The following USH2A variants were observed in gnomAD, a reference collection of about 807,000 sequenced individuals.
USH2A encodes the protein Usher syndrome 2A (autosomal recessive, mild).
A neutral mutation model predicts 538.9 loss-of-function variants in USH2A; 443 were observed. That is an observed-to-expected ratio of 0.82 (90% CI 0.76 to 0.89). USH2A has a LOEUF of 0.89. Among genes scored for constraint, USH2A ranks in the 40% least tolerant of loss-of-function variants. The probability of loss-of-function intolerance (pLI) is 0.00; values close to 1 mark genes in which losing one functional copy is unlikely to be tolerated. For missense variants in USH2A, 6,633 were observed against 6,324.8 expected (o/e 1.05, Z -1.65); for synonymous variants, 2,413 against 2,273.5 (o/e 1.06, Z -1.75).
intron 21 of USH2A, among the ~76,000 whole-genome samples, chr1:216,150,721 A>T (rs2033814024): frequency 6.6e-6 from 1 of 151,988 alleles, no homozygotes; most frequent in Non-Finnish European, 1.5e-5. Flanking sequence ...TTCTCCTTAT[A>T]TTAACTCTAC....
chr1:216,318,107 CTT>C (rs149463659), intron 9 of USH2A, among the ~76,000 whole-genome samples: 14 of 152,294 alleles, frequency 9.2e-5, no homozygotes, highest in Non-Finnish European at 2.1e-4. Context: ...ACTAAAAACA[CTT>C]TCTCATAGGA....
chr1:215,875,901 AAT>A (rs201247845), intron 43 of USH2A, among the ~76,000 whole-genome samples: 19,379 of 145,230 alleles, frequency 0.13, 1,373 homozygotes, highest in South Asian at 0.23. Context: ...TATAATAATC[AAT>A]ATATAAATAT....
intron 11 of USH2A, among the ~76,000 whole-genome samples, chr1:216,268,463 T>A (rs2036516369): frequency 6.6e-6 from 1 of 152,110 alleles, no homozygotes. Context: ...TCGGTAAAGA[T>A]GAAGTGGAAG....
chr1:216,032,671 A>T (rs1558222190), intron 32 of USH2A, among the ~76,000 whole-genome samples: 1 of 152,260 alleles, frequency 6.6e-6, no homozygotes, highest in East Asian at 1.9e-4. Context: ...CTCCAGCTGG[A>T]GGCAAAAGTC....
chr1:215,693,562 C>G (rs532072704), intron 61 of USH2A, among the ~76,000 whole-genome samples: 2 of 152,048 alleles, frequency 1.3e-5, no homozygotes, highest in African/African-American at 4.8e-5. Flanking sequence ...TTTCAAGACC[C>G]CTGTTTCTTA....
In USH2A at chr1:215,845,906, T is replaced by A; in HGVS notation, c.8973A>T (p.Thr2991=). 16 of 1,613,948 alleles carry A rather than the reference T, an allele frequency of 9.9e-6. No individual in the cohort carries two copies. The highest frequency in any genetic ancestry group is 1.3e-5 in the Non-Finnish European group (15 of 1,179,948). Residue 2991 remains threonine, a synonymous_variant, in exon 45 of 72, where the codon ACA becomes ACT. Coordinates refer to ENST00000307340, the MANE Select transcript of USH2A (RefSeq NM_206933.4). Reference sequence around the variant, plus strand: ...AGACAGAGATAAAGATCCAATACTCTGTGTTTGGCTTTAGGTGGCCAATGA... The same window carrying A: ...AGACAGAGATAAAGATCCAATACTCAGTGTTTGGCTTTAGGTGGCCAATGA... ...SHVIGHLKPN[T]EYWIFISVFN...
intron 21 of USH2A, among the ~76,000 whole-genome samples, chr1:216,124,510 A>G (rs149388910): frequency 8.9e-4 from 136 of 152,330 alleles, no homozygotes; most frequent in Middle Eastern, 3.4e-3. Flanking sequence ...ACCCCTCCAG[A>G]TAGAAATACA....
At chr1:216,090,902 G>T (rs999549678) in intron 22 of USH2A, among the ~76,000 whole-genome samples, 4 of 152,112 alleles carry the variant, frequency 2.6e-5, no homozygotes, top group Admixed American at 1.3e-4. Context: ...TACTTAGTTA[G>T]CGTTAAAATT....
At chr1:215,706,104 A>G (rs2102694107) in intron 61 of USH2A, among the ~76,000 whole-genome samples, 1 of 152,316 alleles carries the variant, frequency 6.6e-6, no homozygotes, top group Middle Eastern at 3.4e-3. Flanking sequence ...CACATTGTCC[A>G]TGGTCATATA....
intron 4 of USH2A, among the ~76,000 whole-genome samples, chr1:216,344,851 A>G (rs2038143054): frequency 1.3e-5 from 2 of 151,000 alleles, no homozygotes; most frequent in African/African-American, 4.9e-5. Flanking sequence ...CTCTCAGTAA[A>G]GTCCCTCTCA....
intron 30 of USH2A, among the ~76,000 whole-genome samples, chr1:216,054,103 T>C (rs981903463): frequency 6.6e-6 from 1 of 152,182 alleles, no homozygotes; most frequent in African/African-American, 2.4e-5. Context: ...TTCCTTATCC[T>C]CTATCCCAGC....
chr1:215,819,364 AAAGCGGCAGTC>A (rs1378831094), intron 47 of USH2A, among the ~76,000 whole-genome samples: 4 of 151,612 alleles, frequency 2.6e-5, no homozygotes, highest in Non-Finnish European at 5.9e-5. Context: ...TTTATGTTAA[AAAGCGGCAGTC>A]AAGATAAACC....
intron 22 of USH2A, 81 bp downstream of exon 22, chr1:216,097,002 T>C (rs2032456055): frequency 7.5e-7 from 1 of 1,339,470 alleles, no homozygotes; most frequent in Admixed American, 2.0e-5. Flanking sequence ...GAAGATTCAG[T>C]GTGAAAACAG....
intron 4 of USH2A, among the ~76,000 whole-genome samples, chr1:216,331,943 G>T (rs2102665709): frequency 6.6e-6 from 1 of 152,200 alleles, no homozygotes. Flanking sequence ...GAGAACTCTG[G>T]AAATAAAGCA....
chr1:216,284,093 A>C (rs78029720), intron 11 of USH2A, among the ~76,000 whole-genome samples: 3,841 of 152,112 alleles, frequency 0.025, 98 homozygotes, highest in African/African-American at 0.064. Flanking sequence ...TTCTCTCTCT[A>C]TATATATACA....
intron 30 of USH2A, among the ~76,000 whole-genome samples, chr1:216,069,811 T>C (rs538551754): frequency 1.3e-5 from 2 of 152,310 alleles, no homozygotes; most frequent in African/African-American, 4.8e-5. Context: ...AAAAGATGTC[T>C]ATAAGGTGTT....
intron 21 of USH2A, among the ~76,000 whole-genome samples, chr1:216,151,391 T>C (rs2102620178): frequency 6.6e-6 from 1 of 152,232 alleles, no homozygotes; most frequent in South Asian, 2.1e-4. Flanking sequence ...ACCCCCAAAA[T>C]TCAATTTGCA....
chr1:215,625,527 T>G lies in USH2A; in HGVS notation c.*254A>C. The G allele has an allele frequency of 1.9e-6, 1 of 520,920 alleles. No individual in the cohort carries two copies. Among genetic ancestry groups the G allele is most frequent in the Admixed American group, 3.2e-5 (1 of 31,484 alleles). The allele number at this position is 520,920 out of a possible 1,614,324, so 32.3% of individuals were successfully genotyped here. ...ACAGAACCAAGTGACAATTACATAC[T>G]TCTTTGTCTTCTACAAAATAAGAGC... is the stretch of plus-strand genomic sequence containing the variant. On this transcript the variant is annotated 3_prime_UTR_variant, in exon 72 of 72. Transcript: ENST00000307340.
intron 38 of USH2A, among the ~76,000 whole-genome samples, chr1:215,912,081 T>C (rs912978840): frequency 6.6e-6 from 1 of 152,064 alleles, no homozygotes; most frequent in African/African-American, 2.4e-5. Context: ...ATAGAGTTGT[T>C]ATATATTCTG....
Sources: gnomAD v4.1 joint callset for allele counts (sites outside exome capture counted in the v4.1 genomes callset) on GRCh38, gnomAD v4.1.1 for gene constraint, MANE v1.5 for transcripts, NCBI Gene and HGNC (gene_info 2026-07-23, HGNC 2026-07-21) for gene names.